JMY: variants seen among roughly 807,000 people sequenced by gnomAD.
JMY encodes the protein junction mediating and regulatory protein, p53 cofactor, also known as junction-mediating and -regulatory protein.
JMY carries 46 observed loss-of-function variants against 103.3 expected under a neutral mutation model. The observed-to-expected ratio is 0.45, with a 90% CI of 0.35 to 0.57. The LOEUF (loss-of-function observed/expected upper bound fraction) is 0.57. Ranked by LOEUF, JMY falls within the 20% of genes least tolerant of loss-of-function variation. The pLI, the probability that JMY is intolerant of heterozygous loss-of-function variation, is 0.00. For synonymous variants in JMY, 526 were observed against 489.3 expected, an observed-to-expected ratio of 1.07 and a Z score of -0.99; for missense variants, 1,238 against 1,255.2, an observed-to-expected ratio of 0.99 and a Z score of 0.21.
chr5:79,317,346 T>C (rs1274772305), intron 10 of JMY, among the ~76,000 whole-genome samples: 1 of 152,136 alleles, frequency 6.6e-6, no homozygotes, highest in East Asian at 1.9e-4. Flanking sequence ...TTCTCTTTGG[T>C]TACACATGTA....
In JMY at chr5:79,314,847, G is replaced by A. The variant is rs752596979; in HGVS notation, c.2655G>A (p.Arg885=). 2 of 1,558,386 alleles carry A rather than the reference G, an allele frequency of 1.3e-6. No homozygotes were observed. The highest frequency in any genetic ancestry group is 1.7e-6 in the Non-Finnish European group (2 of 1,153,720). Residue 885 remains arginine, a synonymous_variant, in exon 9 of 11, where the codon AGG becomes AGA. Coordinates refer to ENST00000396137, the MANE Select transcript of JMY (RefSeq NM_152405.5). ...LRKTAEGLQR[R]RVSSPMDEVL... ...AGACTGCTGAAGGTTTGCAGAGGAG[G>A]AGAGGTACGTCAACATATTTTCATG...
In JMY at chr5:79,322,513, C is replaced by T. The variant is rs916636525; in HGVS notation, c.*911C>T. ...AGATCTTAACTCTTTTCACAAATTA[C>T]CATTTTAAGTTTTTATTTTTATGCT... On this transcript the variant is annotated 3_prime_UTR_variant, in exon 11 of 11. Coordinates refer to ENST00000396137, the MANE Select transcript of JMY (RefSeq NM_152405.5). 11 of 152,160 alleles carry T rather than the reference C, an allele frequency of 7.2e-5. No homozygotes were observed. Among genetic ancestry groups the T allele is most frequent in the African/African-American group, 1.9e-4 (8 of 41,454 alleles). 9.4% of individuals were successfully genotyped at this position (152,160 alleles called of 1,614,324 possible).
At chr5:79,309,920 T>C (rs1033183281) in intron 7 of JMY, among the ~76,000 whole-genome samples, 3 of 152,192 alleles carry the variant, frequency 2.0e-5, no homozygotes, top group Non-Finnish European at 4.4e-5. Flanking sequence ...TATATTTCTT[T>C]TTATAAAACA....
intron 2 of JMY, among the ~76,000 whole-genome samples, chr5:79,288,041 A>G (rs554424640): frequency 2.6e-5 from 4 of 152,270 alleles, no homozygotes; most frequent in African/African-American, 4.8e-5. Flanking sequence ...ACACATACCA[A>G]TTTTCTTATA....
At chr5:79,241,208 T>G (rs531194775) in intron 1 of JMY, among the ~76,000 whole-genome samples, 1 of 152,330 alleles carries the variant, frequency 6.6e-6, no homozygotes, top group East Asian at 1.9e-4. Context: ...ACAACTAGAT[T>G]GTAAGCTTTT....
rs200821509 is a variant in JMY at position 79,312,413 on chromosome 5, A to T, written c.1979A>T (p.Lys660Ile). 8 of 1,564,520 alleles carry T rather than the reference A, an allele frequency of 5.1e-6. No individual in the cohort carries two copies. The Admixed American group carries it at 1.6e-4, about 31-fold the overall frequency. The stretch of plus-strand genomic sequence containing the variant: ...TTAATTTTTTACCAGAAGAGAGAAA[A>T]ATTACATGATGAAGAAGAAAGAAAA... ...THHTVQLKRE[K>I]LHDEEERKSA... is the part of the protein sequence containing the mutation. Residue 660 changes from lysine to isoleucine, a missense_variant, in exon 8 of 11, where the codon AAA (lysine) becomes ATA (isoleucine). Transcript: ENST00000396137.
intron 7 of JMY, 72 bp downstream of exon 7, chr5:79,306,533 G>A: frequency 9.5e-7 from 1 of 1,049,676 alleles, no homozygotes; most frequent in East Asian, 2.4e-5. Context: ...AAAATCTGTA[G>A]AGAATGATAA....
chr5:79,277,219 G>A (rs1745966853), intron 1 of JMY, among the ~76,000 whole-genome samples: 1 of 152,138 alleles, frequency 6.6e-6, no homozygotes, highest in Non-Finnish European at 1.5e-5. Context: ...GTTTTTGTAT[G>A]TCCAGCTCGT....
intron 1 of JMY, among the ~76,000 whole-genome samples, chr5:79,256,117 G>T (rs1017749767): frequency 6.6e-6 from 1 of 152,214 alleles, no homozygotes; most frequent in African/African-American, 2.4e-5. Flanking sequence ...CTATTGTATG[G>T]CAGCTGAGCT....
chr5:79,311,197 G>C (rs2112116643), intron 7 of JMY, among the ~76,000 whole-genome samples: 1 of 149,362 alleles, frequency 6.7e-6, no homozygotes, highest in East Asian at 2.0e-4. Flanking sequence ...TGTTGCTCAG[G>C]CTGGTCTTCA....
intron 6 of JMY, among the ~76,000 whole-genome samples, 178 bp downstream of exon 6, chr5:79,301,041 A>G (rs929417838): frequency 1.1e-4 from 16 of 152,140 alleles, no homozygotes; most frequent in Admixed American, 6.5e-4. Context: ...GGAACAGCCA[A>G]TAGTGATGTT....
chr5:79,291,933 A>G (rs1397097249), intron 4 of JMY, among the ~76,000 whole-genome samples: 3 of 152,244 alleles, frequency 2.0e-5, no homozygotes, highest in Non-Finnish European at 2.9e-5. Context: ...AGTTATAAGA[A>G]TACAGCATTA....
Position 79,255,128 on chromosome 5 carries a change from C to CTTTTTTTT in JMY, c.1032+17447_1032+17454dup, listed in dbSNP as rs71615518. Among the ~76,000 whole-genome samples, 16 of 139,810 alleles carry CTTTTTTTT rather than the reference C, an allele frequency of 1.1e-4. 1 individual carries two copies. Among genetic ancestry groups the CTTTTTTTT allele is most frequent in the Non-Finnish European group, 2.1e-4 (14 of 66,406 alleles). 91.7% of individuals were successfully genotyped at this position (139,810 alleles called of 152,430 possible). ...CTGAAAGGTCACATATCTCTCTCTC[C>CTTTTTTTT]TTTTTTTTGAGACAGGGTCTTGTAG... On this transcript the variant is annotated intron_variant, in intron 1 of 10. Transcript: ENST00000396137.
At chr5:79,289,051 A>G (rs1262334633) in intron 2 of JMY, among the ~76,000 whole-genome samples, 1 of 151,914 alleles carries the variant, frequency 6.6e-6, no homozygotes, top group South Asian at 2.1e-4. Flanking sequence ...GCTGGCCAAC[A>G]TGACAAAACC....
At chr5:79,281,271 C>G (rs113873181) in intron 2 of JMY, among the ~76,000 whole-genome samples, 3 of 151,478 alleles carry the variant, frequency 2.0e-5, no homozygotes, top group Non-Finnish European at 2.9e-5. Flanking sequence ...GTCTCGATCT[C>G]CTGACCTCGT....
intron 1 of JMY, among the ~76,000 whole-genome samples, chr5:79,259,454 A>G (rs1745351111): frequency 6.6e-6 from 1 of 152,210 alleles, no homozygotes; most frequent in Non-Finnish European, 1.5e-5. Flanking sequence ...CCCAGGCTTC[A>G]GGCCCTCCCC....
intron 1 of JMY, among the ~76,000 whole-genome samples, chr5:79,270,326 T>C (rs924103641): frequency 1.0e-4 from 15 of 143,104 alleles, no homozygotes; most frequent in Admixed American, 4.2e-4. Context: ...TATATTTACA[T>C]AAATATTTAA....
In JMY at chr5:79,314,636, C is replaced by CCCCCCCAA; in HGVS notation, c.2444_2445insCCCCCCAA (p.Pro818AsnfsTer73). 4 of 1,502,610 alleles carry CCCCCCCAA rather than the reference C, an allele frequency of 2.7e-6. No homozygotes were observed. The highest frequency in any genetic ancestry group is 3.7e-6 in the Non-Finnish European group (4 of 1,090,294). 93.1% of individuals were successfully genotyped at this position (1,502,610 alleles called of 1,614,324 possible). A position where few individuals can be genotyped will look rare whatever the true frequency, so the allele number is the denominator to read the frequency against. ...CTTCCTCCAACACCACCACCTCCCC[C>CCCCCCCAA]ACCTCCTCCCCCTCCCCCACCACCA... On this transcript the variant is annotated frameshift_variant, in exon 9 of 11. Coordinates refer to ENST00000396137, the MANE Select transcript of JMY (RefSeq NM_152405.5). LOFTEE classifies it high-confidence loss of function.
intron 1 of JMY, among the ~76,000 whole-genome samples, chr5:79,256,433 G>A (rs1244593107): frequency 6.6e-6 from 1 of 152,006 alleles, no homozygotes; most frequent in Non-Finnish European, 1.5e-5. Context: ...CCCCACCGTG[G>A]CTGACCTGAT....
Sources: gnomAD v4.1 joint callset for allele counts (sites outside exome capture counted in the v4.1 genomes callset) on GRCh38, gnomAD v4.1.1 for gene constraint, MANE v1.5 for transcripts, NCBI Gene and HGNC (gene_info 2026-07-23, HGNC 2026-07-21) for gene names.